MDFIC: variants seen among roughly 807,000 people sequenced by gnomAD.
MDFIC encodes the protein myoD family inhibitor domain-containing protein.
A neutral mutation model predicts 23.2 loss-of-function variants in MDFIC; 17 were observed. The ratio of observed to expected loss-of-function variants is 0.73; its 90% CI spans 0.50 to 1.10. The LOEUF (loss-of-function observed/expected upper bound fraction) is 1.10, where lower values mean the gene tolerates loss of function less well. Among genes scored for constraint, MDFIC ranks in the 50% least tolerant of loss-of-function variants. The pLI, the probability that MDFIC is intolerant of heterozygous loss-of-function variation, is 0.00. For missense variants in MDFIC, 356 were observed against 316.6 expected (o/e 1.12, Z -0.95); for synonymous variants, 120 against 115.2 (o/e 1.04, Z -0.27).
At chr7:115,013,644 A>T (rs1791728131) in intron 4 of MDFIC, among the ~76,000 whole-genome samples, 1 of 152,230 alleles carries the variant, frequency 6.6e-6, no homozygotes, top group Non-Finnish European at 1.5e-5. Flanking sequence ...GCTTGCTGCC[A>T]GTTAAACACT....
chr7:114,931,599 T>C (rs978822247), intron 2 of MDFIC, among the ~76,000 whole-genome samples: 1 of 152,170 alleles, frequency 6.6e-6, no homozygotes, highest in Non-Finnish European at 1.5e-5. Context: ...CAAATTAAAT[T>C]TCAGTCTCTT....
At chr7:114,930,889 T>G (rs1293609060) in intron 2 of MDFIC, among the ~76,000 whole-genome samples, 1 of 152,236 alleles carries the variant, frequency 6.6e-6, no homozygotes, top group African/African-American at 2.4e-5. Context: ...CATTCAGTTT[T>G]TATTAAGAGA....
chr7:114,985,902 GT>G (rs1563149645), intron 4 of MDFIC, among the ~76,000 whole-genome samples: 1 of 151,734 alleles, frequency 6.6e-6, no homozygotes, highest in African/African-American at 2.4e-5. Context: ...GAAAAATTGT[GT>G]TTTCTTTTCT....
chr7:115,002,204 T>C (rs17137523), intron 4 of MDFIC, among the ~76,000 whole-genome samples: 2,187 of 152,268 alleles, frequency 0.014, 57 homozygotes, highest in African/African-American at 0.049. Context: ...GAATTGGATT[T>C]CCTGATGAAA....
chr7:114,978,273 C>A (rs986120956), intron 3 of MDFIC, among the ~76,000 whole-genome samples: 1 of 151,994 alleles, frequency 6.6e-6, no homozygotes, highest in African/African-American at 2.4e-5. Flanking sequence ...CTTGATTACT[C>A]TTCCATATAC....
chr7:114,941,806 G>A lies in MDFIC; in HGVS notation c.95-469G>A, dbSNP rs1432607558. Among the ~76,000 whole-genome samples, 6 of 152,290 alleles carry A rather than the reference G, an allele frequency of 3.9e-5. No homozygotes were observed. In the South Asian group the frequency reaches 1.0e-3, roughly 26 times the overall value. On this transcript the variant is annotated intron_variant, in intron 2 of 4. Coordinates refer to ENST00000393486, the MANE Select transcript of MDFIC (RefSeq NM_001166345.3). Reference sequence around the variant, plus strand: ...TGACTTTTTCTTCACGTTCTAGAGAGAGAATGCTGTACTTGTTTTCTATAC... The same window carrying A: ...TGACTTTTTCTTCACGTTCTAGAGAAAGAATGCTGTACTTGTTTTCTATAC...
At position 114,979,550 on chromosome 7, in the gene MDFIC, C is replaced by A. The variant is rs1163288974; in HGVS notation, c.262C>A (p.Pro88Thr). Residue 88 changes from proline to threonine, a missense_variant, in exon 4 of 5, where the codon CCA becomes ACA. By Grantham distance (38) the Pro-to-Thr change is conservative. Coordinates refer to ENST00000393486, the MANE Select transcript of MDFIC (RefSeq NM_001166345.3). The part of the protein sequence containing the change: ...LPQLQTSAQV[P>T]SGEEIGKIKN... The stretch of plus-strand genomic sequence containing the variant: ...TCAGCTTCAGACTTCAGCCCAGGTG[C>A]CAAGTGGTGAGGAAATAGGCAAGAT... 3 of 1,613,938 alleles carry A rather than the reference C, an allele frequency of 1.9e-6. No homozygotes were observed. Among genetic ancestry groups the A allele is most frequent in the Non-Finnish European group, 2.5e-6 (3 of 1,179,922 alleles).
chr7:114,953,384 G>A (rs973823572), intron 3 of MDFIC, among the ~76,000 whole-genome samples: 2 of 152,110 alleles, frequency 1.3e-5, no homozygotes, highest in African/African-American at 4.8e-5. Flanking sequence ...TTGCCATAAA[G>A]GCTACATGTG....
chr7:114,935,080 G>GT (rs1267245921), intron 2 of MDFIC, among the ~76,000 whole-genome samples: 2 of 151,740 alleles, frequency 1.3e-5, no homozygotes, highest in Admixed American at 6.6e-5. Flanking sequence ...TACAGACCTA[G>GT]TTTTTTTTGT....
chr7:114,993,742 A>G (rs1187396553), intron 4 of MDFIC, among the ~76,000 whole-genome samples: 8 of 152,076 alleles, frequency 5.3e-5, no homozygotes, highest in Non-Finnish European at 1.2e-4. Flanking sequence ...GTTCTTTTAT[A>G]TTTGCTGAGG....
chr7:115,019,586 A>C lies in MDFIC; in HGVS notation c.*3651A>C, dbSNP rs1223767223. ...CTTAGATTTACCTAACTGCCTAATG[A>C]ATCAGGTTATTTGTTAATAAGATTA... On this transcript the variant is annotated 3_prime_UTR_variant, in exon 5 of 5. Transcript: ENST00000393486. 6.6e-6 allele frequency among the ~76,000 whole-genome samples: 1 copy of C among 152,122 alleles called. No individual in the cohort carries two copies. The highest frequency in any genetic ancestry group is 1.5e-5 in the Non-Finnish European group (1 of 67,984).
At chr7:114,963,537 C>T (rs1028199886) in intron 3 of MDFIC, among the ~76,000 whole-genome samples, 1 of 152,118 alleles carries the variant, frequency 6.6e-6, no homozygotes, top group African/African-American at 2.4e-5. Flanking sequence ...GCCAGTAGTA[C>T]TTTTATACTA....
At chr7:114,987,262 T>TA (rs1396752100) in intron 4 of MDFIC, among the ~76,000 whole-genome samples, 2 of 152,196 alleles carry the variant, frequency 1.3e-5, no homozygotes, top group Admixed American at 1.3e-4. Context: ...TGTTTGCTGT[T>TA]ACAATACTGT....
chr7:115,014,695 G>A (rs989609117), intron 4 of MDFIC, among the ~76,000 whole-genome samples: 20 of 152,082 alleles, frequency 1.3e-4, no homozygotes, highest in Admixed American at 3.9e-4. Flanking sequence ...CTGATATGAG[G>A]CAAATGTTTT....
At chr7:114,926,405 G>C (rs1024454772) in intron 2 of MDFIC, among the ~76,000 whole-genome samples, 1 of 152,162 alleles carries the variant, frequency 6.6e-6, no homozygotes, top group Non-Finnish European at 1.5e-5. Context: ...TGCAGTTGAA[G>C]TAGAGAATCA....
chr7:114,995,038 T>C (rs1179497235), intron 4 of MDFIC, among the ~76,000 whole-genome samples: 1 of 152,206 alleles, frequency 6.6e-6, no homozygotes, highest in Non-Finnish European at 1.5e-5. Flanking sequence ...TTGGAGACTT[T>C]GTTCGTTTCT....
intron 2 of MDFIC, chr7:114,923,506 C>T: frequency 1.8e-5 from 28 of 1,537,748 alleles, no homozygotes; most frequent in Non-Finnish European, 2.4e-5. Flanking sequence ...AACAAGCGTG[C>T]ACTTACTCCA....
intron 3 of MDFIC, among the ~76,000 whole-genome samples, chr7:114,973,594 G>A (rs977456222): frequency 6.6e-6 from 1 of 152,096 alleles, no homozygotes; most frequent in Non-Finnish European, 1.5e-5. Context: ...CTTACTCCAG[G>A]CATTATTTAA....
intron 4 of MDFIC, among the ~76,000 whole-genome samples, chr7:115,003,868 G>A (rs1791513191): frequency 1.3e-5 from 2 of 152,054 alleles, no homozygotes; most frequent in Non-Finnish European, 2.9e-5. Flanking sequence ...TTACAAATCT[G>A]AATTGGATAT....
Sources: allele counts gnomAD v4.1 joint callset (sites outside exome capture counted in the v4.1 genomes callset), GRCh38; gene constraint gnomAD v4.1.1; transcripts MANE v1.5; gene names NCBI Gene and HGNC (gene_info 2026-07-23, HGNC 2026-07-21).